Variants in CPNE8 observed in about 807,000 individuals in gnomAD.
CPNE8 encodes copine-8.
In CPNE8, 45 loss-of-function variants were observed where a neutral mutation model predicts 81.5. The ratio of observed to expected loss-of-function variants is 0.55; its 90% CI spans 0.44 to 0.71. The LOEUF (loss-of-function observed/expected upper bound fraction) is 0.71. Ranked by LOEUF, CPNE8 falls within the 30% of genes least tolerant of loss-of-function variation. CPNE8 has a pLI of 0.00. For missense variants in CPNE8, 594 were observed against 672.1 expected (o/e 0.88, Z 1.28); for synonymous variants, 252 against 226.3 (o/e 1.11, Z -1.02).
chr12:38,764,666 G>C (rs1157514605), intron 8 of CPNE8, among the ~76,000 whole-genome samples: 1 of 148,652 alleles, frequency 6.7e-6, no homozygotes, highest in Non-Finnish European at 1.5e-5. Context: ...ACAAATTACA[G>C]AGGGAAGGCA....
At chr12:38,772,925 T>TTA (rs1008773201) in intron 7 of CPNE8, among the ~76,000 whole-genome samples, 2 of 117,974 alleles carry the variant, frequency 1.7e-5, no homozygotes, top group African/African-American at 6.0e-5. Flanking sequence ...TATATAAAAT[T>TTA]TATACACACA....
At chr12:38,739,446 T>C (rs1941037218) in intron 10 of CPNE8, among the ~76,000 whole-genome samples, 1 of 152,148 alleles carries the variant, frequency 6.6e-6, no homozygotes, top group South Asian at 2.1e-4. Context: ...ATAATATCTG[T>C]ATGTGGAAAC....
At chr12:38,826,694 AATCAACAC>A (rs1026935927) in intron 6 of CPNE8, among the ~76,000 whole-genome samples, 21 of 152,158 alleles carry the variant, frequency 1.4e-4, no homozygotes, top group African/African-American at 5.1e-4. Flanking sequence ...CACATACCCC[AATCAACAC>A]ATTATAATAA....
At chr12:38,707,487 A>C (rs139556995) in intron 13 of CPNE8, among the ~76,000 whole-genome samples, 2 of 152,146 alleles carry the variant, frequency 1.3e-5, no homozygotes, top group Non-Finnish European at 2.9e-5. Flanking sequence ...GAAGGAAGGA[A>C]GGAAGAAGAA....
At chr12:38,834,977 C>G (rs1943356587) in intron 5 of CPNE8, among the ~76,000 whole-genome samples, 2 of 151,794 alleles carry the variant, frequency 1.3e-5, no homozygotes, top group African/African-American at 4.8e-5. Flanking sequence ...CCTGGTTCAT[C>G]CCTGGTTCAA....
intron 10 of CPNE8, among the ~76,000 whole-genome samples, chr12:38,743,161 C>T (rs568131985): frequency 2.0e-5 from 3 of 151,978 alleles, no homozygotes; most frequent in East Asian, 3.9e-4. Flanking sequence ...AAAAAGCAAA[C>T]CCGTTTATGA....
chr12:38,906,125 C>A (rs1486075414), upstream of CPNE8: 32 of 985,900 alleles, frequency 3.2e-5, no homozygotes, highest in Non-Finnish European at 3.5e-5. Flanking sequence ...GTCCCCCTCC[C>A]CACAATTGGT....
chr12:38,894,791 C>CA (rs1944366077), intron 1 of CPNE8, among the ~76,000 whole-genome samples: 1 of 150,184 alleles, frequency 6.7e-6, no homozygotes, highest in Admixed American at 6.7e-5. Context: ...TTTCAATTAC[C>CA]AAAAAATCTA....
intron 19 of CPNE8, among the ~76,000 whole-genome samples, chr12:38,660,193 C>A: frequency 6.6e-6 from 1 of 152,216 alleles, no homozygotes; most frequent in East Asian, 1.9e-4. Flanking sequence ...CTGGAGGCAT[C>A]CCGCTACCTG....
At chr12:38,707,251 C>T (rs1940131339) in intron 13 of CPNE8, among the ~76,000 whole-genome samples, 1 of 152,080 alleles carries the variant, frequency 6.6e-6, no homozygotes, top group Non-Finnish European at 1.5e-5. Flanking sequence ...GAATTTGAGG[C>T]TGCGGTGAGC....
At chr12:38,703,881 C>G (rs145999503) in intron 13 of CPNE8, among the ~76,000 whole-genome samples, 1 of 152,056 alleles carries the variant, frequency 6.6e-6, no homozygotes, top group African/African-American at 2.4e-5. Flanking sequence ...TAGAATAAAT[C>G]TAACCGAGGG....
At chr12:38,881,348 G>T (rs755426455) in intron 1 of CPNE8, among the ~76,000 whole-genome samples, 1 of 152,164 alleles carries the variant, frequency 6.6e-6, no homozygotes, top group Non-Finnish European at 1.5e-5. Context: ...TTTCAAGAAA[G>T]TTAAGAATAA....
chr12:38,899,831 C>G (rs184017213), intron 1 of CPNE8, among the ~76,000 whole-genome samples: 1 of 152,114 alleles, frequency 6.6e-6, no homozygotes, highest in Admixed American at 6.5e-5. Flanking sequence ...TTGCCAATTC[C>G]CATGGTGTAA....
chr12:38,755,369 T>G (rs953366296), intron 10 of CPNE8, among the ~76,000 whole-genome samples: 1 of 152,172 alleles, frequency 6.6e-6, no homozygotes, highest in African/African-American at 2.4e-5. Context: ...CCATTTACAA[T>G]CAGTCCCACA....
At chr12:38,668,979 A>T (rs1440948018) in intron 19 of CPNE8, among the ~76,000 whole-genome samples, 1 of 151,018 alleles carries the variant, frequency 6.6e-6, no homozygotes, top group Non-Finnish European at 1.5e-5. Context: ...ACGTTAACCC[A>T]GGAGACGGAG....
At chr12:38,823,230 T>C (rs1220983753) in intron 6 of CPNE8, among the ~76,000 whole-genome samples, 1 of 152,198 alleles carries the variant, frequency 6.6e-6, no homozygotes, top group Non-Finnish European at 1.5e-5. Flanking sequence ...ATTCTGAAGC[T>C]TCCTTTCTGC....
At chr12:38,853,834 A>G (rs1443275420) in intron 3 of CPNE8, among the ~76,000 whole-genome samples, 1 of 152,134 alleles carries the variant, frequency 6.6e-6, no homozygotes, top group Non-Finnish European at 1.5e-5. Context: ...AAGAACACTC[A>G]GTAACTTCAT....
intron 1 of CPNE8, among the ~76,000 whole-genome samples, chr12:38,897,907 C>T (rs1382647004): frequency 6.6e-6 from 1 of 152,038 alleles, no homozygotes; most frequent in Non-Finnish European, 1.5e-5. Flanking sequence ...CTATTATTAT[C>T]CCCACTTTAC....
At chr12:38,755,842 C>A (rs1033823569) in intron 10 of CPNE8, among the ~76,000 whole-genome samples, 3 of 151,726 alleles carry the variant, frequency 2.0e-5, no homozygotes, top group Non-Finnish European at 1.5e-5. Flanking sequence ...AGATCGAGAC[C>A]ATCCCGGCTA....
Sources: allele counts gnomAD v4.1 joint callset (sites outside exome capture counted in the v4.1 genomes callset), GRCh38; gene constraint gnomAD v4.1.1; transcripts MANE v1.5; gene names NCBI Gene and HGNC (gene_info 2026-07-23, HGNC 2026-07-21).